The following COG7 variants were observed in gnomAD, a reference collection of about 807,000 sequenced individuals.
The protein encoded by COG7 is conserved oligomeric Golgi complex subunit 7.
In COG7, 49 loss-of-function variants were observed where a neutral mutation model predicts 91.5. That is an observed-to-expected ratio of 0.54 (90% confidence interval 0.43 to 0.68). The LOEUF is 0.68. Ranked by LOEUF, COG7 falls within the 30% of genes least tolerant of loss-of-function variation. COG7 has a pLI of 0.00. For missense variants in COG7, 895 were observed against 961.3 expected (o/e 0.93, Z 0.91); for synonymous variants, 365 against 388.7 (o/e 0.94, Z 0.72).
chr16:23,424,055 C>T (rs1450994964), intron 7 of COG7, among the ~76,000 whole-genome samples: 2 of 152,202 alleles, frequency 1.3e-5, no homozygotes, highest in East Asian at 3.8e-4. Context: ...AATCCCAGCA[C>T]TTTGGGAGGC....
In COG7 at chr16:23,410,286, C is replaced by G; in HGVS notation, c.1475+9G>C. 6.2e-7 allele frequency: 1 copy of G among 1,613,380 alleles called. No individual in the cohort carries two copies. The highest frequency in any genetic ancestry group is 2.2e-5 in the East Asian group (1 of 44,882). ...CAGGGTGTAGAGGACAATGACTCCTCTCTCCTACCTGTTGGCTAGCTGCTG... is the reference window on the plus strand; with the variant it reads ...CAGGGTGTAGAGGACAATGACTCCTGTCTCCTACCTGTTGGCTAGCTGCTG... On this transcript the variant is annotated intron_variant, in intron 11 of 16. Transcript: ENST00000307149.
chr16:23,442,171 T>C (rs1162625929), intron 4 of COG7, among the ~76,000 whole-genome samples: 2 of 151,912 alleles, frequency 1.3e-5, no homozygotes, highest in Non-Finnish European at 2.9e-5. Context: ...CCGTTTCTAT[T>C]CAAAATACAA....
chr16:23,402,819 C>T (rs925494847), intron 13 of COG7, among the ~76,000 whole-genome samples: 3 of 152,232 alleles, frequency 2.0e-5, no homozygotes, highest in Non-Finnish European at 4.4e-5. Context: ...AGCAATTTTA[C>T]GGATGGGAAT....
chr16:23,442,740 T>C (rs1964121693), intron 3 of COG7, 95 bp from the exon 4 acceptor site: 1 of 1,120,934 alleles, frequency 8.9e-7, no homozygotes, highest in South Asian at 1.2e-5. Flanking sequence ...ACTCATCAAG[T>C]ATGAAAATGG....
chr16:23,444,925 C>T lies in COG7; in HGVS notation c.435+123G>A, dbSNP rs74480471. ...ACCGAGCAGCTTCAGATCTTCCCCA[C>T]CCTGAGTCTGAAGGTTTCTGAATGC... On this transcript the variant is annotated intron_variant, in intron 3 of 16. Transcript: ENST00000307149. The T allele has an allele frequency of 1.3e-3, 1,054 of 810,082 alleles. 18 individuals are homozygous for T. The East Asian group carries it at 0.02, about 16-fold the overall frequency. The allele number at this position is 810,082 out of a possible 1,614,324, so 50.2% of individuals were successfully genotyped here. A position where few individuals can be genotyped will look rare whatever the true frequency, so the allele number is the denominator to read the frequency against.
intron 14 of COG7, among the ~76,000 whole-genome samples, chr16:23,396,129 G>A (rs905682519): frequency 3.9e-5 from 6 of 152,176 alleles, no homozygotes; most frequent in Non-Finnish European, 7.3e-5. Context: ...TAAACAACCT[G>A]GCACTGTCTC....
rs1439469224 is a variant in COG7, at chr16:23,406,210, G to T, written c.1528C>A (p.Leu510Met). ...AAGATGCTCTCCTGAAAACCAGCCA[G>T]GCTCCGGGGGCTGCAGGAATCAGAT... ...YLSDSCSPRSLAGFQESILTD... is the reference protein window; with the variant it reads ...YLSDSCSPRSMAGFQESILTD... The change falls in exon 12 of 17, where the codon CTG becomes ATG. Residue 510 changes from leucine (L) to methionine (M), a missense_variant. Leu to Met is a conservative substitution (Grantham distance 15). Coordinates refer to ENST00000307149, the MANE Select transcript of COG7 (RefSeq NM_153603.4). 1 of 1,614,066 alleles carries T rather than the reference G, an allele frequency of 6.2e-7. No individual in the cohort carries two copies. Among genetic ancestry groups the T allele is most frequent in the Non-Finnish European group, 8.5e-7 (1 of 1,180,036 alleles).
chr16:23,446,442 G>A (rs1293218563), intron 1 of COG7: 4 of 155,702 alleles, frequency 2.6e-5, no homozygotes, highest in Non-Finnish European at 5.5e-5. Context: ...TGCTTTCCAT[G>A]GTCTTTTTTT....
chr16:23,394,513 T>C (rs369704077), intron 14 of COG7, among the ~76,000 whole-genome samples: 4 of 152,202 alleles, frequency 2.6e-5, no homozygotes, highest in African/African-American at 7.2e-5. Context: ...TGTTGTTGTT[T>C]TTTTTTTCTT....
intron 4 of COG7, 144 bp downstream of exon 4, chr16:23,442,333 C>CAA (rs57747474): frequency 9.5e-3 from 5,178 of 542,468 alleles, no homozygotes; most frequent in Middle Eastern, 0.011. Context: ...GACTCCGTCT[C>CAA]AAAAAAAAAA....
intron 16 of COG7, among the ~76,000 whole-genome samples, chr16:23,390,884 C>T (rs922406160): frequency 4.6e-5 from 7 of 152,264 alleles, no homozygotes; most frequent in African/African-American, 1.4e-4. Context: ...TCCATAAAAC[C>T]GTGAGCTCCA....
At position 23,433,593 on chromosome 16, in the gene COG7, A is replaced by G; in HGVS notation, c.762T>C (p.Tyr254=). ...LSLDRQLTGL[Y]DALLGAWHTQ... ...TGTGCCAAGCACCAAGCAAGGCATC[A>G]TAGAGTCCGGTAAGCTGCCGGTCCA... Residue 254 remains tyrosine (Y), a synonymous_variant, in exon 6 of 17, where the codon TAT becomes TAC. Coordinates refer to ENST00000307149, the MANE Select transcript of COG7 (RefSeq NM_153603.4). The G allele has an allele frequency of 6.2e-7, 1 of 1,614,120 alleles. No individual in the cohort carries two copies. The highest frequency in any genetic ancestry group is 8.5e-7 in the Non-Finnish European group (1 of 1,180,008).
chr16:23,445,013 T>C (rs1248023941), intron 3 of COG7, 35 bp downstream of exon 3: 1 of 1,471,984 alleles, frequency 6.8e-7, no homozygotes, highest in East Asian at 2.3e-5. Flanking sequence ...CTTGCTTAAA[T>C]ACCTTTCATA....
chr16:23,392,416 T>C lies in COG7; in HGVS notation c.2110A>G (p.Ser704Gly), dbSNP rs1963213961. 6.2e-7 allele frequency: 1 copy of C among 1,614,184 alleles called. No homozygotes were observed. Among genetic ancestry groups the C allele is most frequent in the Non-Finnish European group, 8.5e-7 (1 of 1,180,030 alleles). Residue 704 changes from serine (S) to glycine (G), a missense_variant, in exon 16 of 17, where the codon AGC (serine) becomes GGC (glycine). By Grantham distance (56) the Ser-to-Gly change is moderately conservative. Coordinates refer to ENST00000307149, the MANE Select transcript of COG7 (RefSeq NM_153603.4). ...GCCAGCTGCTTGGCAGAGTGTGGGCTCAGCTCAGGGATCTGTAGGATCGCA... is the reference window on the plus strand; with the variant it reads ...GCCAGCTGCTTGGCAGAGTGTGGGCCCAGCTCAGGGATCTGTAGGATCGCA... Reference protein sequence around the residue: ...CDAILQIPELSPHSAKQLATD... With the variant: ...CDAILQIPELGPHSAKQLATD...
intron 11 of COG7, 125 bp from the exon 12 acceptor site, chr16:23,406,387 A>G (rs991011015): frequency 1.2e-6 from 1 of 867,988 alleles, no homozygotes; most frequent in Non-Finnish European, 1.9e-6. Flanking sequence ...ATTAAGGTCC[A>G]GTTTATAAGG....
At chr16:23,416,903 AT>A in intron 9 of COG7, 63 bp downstream of exon 9, 1 of 1,599,488 alleles carries the variant, frequency 6.3e-7, no homozygotes, top group Non-Finnish European at 8.6e-7. Flanking sequence ...GAACACGTGC[AT>A]TTTTATCTGG....
Position 23,392,374 on chromosome 16 carries a change from A to G in COG7, c.2146+6T>C. On this transcript the variant is annotated splice_donor_region_variant and intron_variant, in intron 16 of 16. Coordinates refer to ENST00000307149, the MANE Select transcript of COG7 (RefSeq NM_153603.4). ...CCCTCCCACCGCCTGTCTTGTGGGG[A>G]CCCACCGATGTCAGTGGCCAGCTGC... The G allele has an allele frequency of 6.2e-7, 1 of 1,614,094 alleles. No individual in the cohort carries two copies. The highest frequency in any genetic ancestry group is 2.2e-5 in the East Asian group (1 of 44,870).
At chr16:23,416,918 A>G in intron 9 of COG7, 49 bp downstream of exon 9, 1 of 1,611,080 alleles carries the variant, frequency 6.2e-7, no homozygotes, top group African/African-American at 1.3e-5. Flanking sequence ...TATCTGGGAC[A>G]GACACTGCTC....
chr16:23,449,369 A>G (rs532621152), intron 1 of COG7, among the ~76,000 whole-genome samples: 4 of 141,644 alleles, frequency 2.8e-5, no homozygotes, highest in African/African-American at 5.2e-5. Context: ...TCTCAAAAAA[A>G]TAAAATTAAA....
Sources: allele counts gnomAD v4.1 joint callset (sites outside exome capture counted in the v4.1 genomes callset), GRCh38; gene constraint gnomAD v4.1.1; transcripts MANE v1.5; gene names NCBI Gene and HGNC (gene_info 2026-07-23, HGNC 2026-07-21).